The following SORCS2 variants were observed in gnomAD, a reference collection of about 807,000 sequenced individuals.
The protein encoded by SORCS2 is VPS10 domain-containing receptor SorCS2.
In SORCS2, 100 loss-of-function variants were observed where a neutral mutation model predicts 141.6. The observed-to-expected ratio is 0.71, with a 90% confidence interval of 0.60 to 0.83. The LOEUF is 0.83. Among genes scored for constraint, SORCS2 ranks in the 40% least tolerant of loss-of-function variants. The pLI is 0.00. For missense variants in SORCS2, 1,646 were observed against 1,560.2 expected (o/e 1.05, Z -0.93); for synonymous variants, 789 against 676.9 (o/e 1.17, Z -2.57).
rs1473830035 is a variant in SORCS2, at chr4:7,689,562, C to G, written c.1565C>G (p.Thr522Ser). The G allele has an allele frequency of 1.2e-6, 2 of 1,602,172 alleles. No homozygotes were observed. The highest frequency in any genetic ancestry group is 1.7e-6 in the Non-Finnish European group (2 of 1,174,976). ...TCAGGCACCGTGCACACCAAGGACA[C>G]CGCCCCAGGCCTCATCATGGGTGCA... ...YVSGTVHTKD[T>S]APGLIMGAGN... The change falls in exon 11 of 27, where the codon ACC (threonine) becomes AGC (serine). Residue 522 changes from threonine (T) to serine (S), a missense_variant. Physicochemically the swap from Thr to Ser is moderately conservative, Grantham distance 58. Transcript: ENST00000507866.
intron 5 of SORCS2, among the ~76,000 whole-genome samples, chr4:7,656,127 C>G (rs191481964): frequency 2.0e-4 from 31 of 152,332 alleles, no homozygotes; most frequent in Non-Finnish European, 3.7e-4. Context: ...GCTCTTTGTC[C>G]TTGAACTGAC....
chr4:7,728,240 A>C, intron 21 of SORCS2, 110 bp from the exon 22 acceptor site: 1 of 678,402 alleles, frequency 1.5e-6, no homozygotes, highest in South Asian at 1.9e-5. Flanking sequence ...TCTGAATCAA[A>C]GGCCTCCCGG....
rs1383881075 is a variant in SORCS2, at chr4:7,429,964, G to A, written c.548+33609G>A. ...CAGCTCCTGGAGCCATGCCCGGCAGGCTGGCAACCCCCGTCCGGTGCACAG... is the reference window on the plus strand; with the variant it reads ...CAGCTCCTGGAGCCATGCCCGGCAGACTGGCAACCCCCGTCCGGTGCACAG... On this transcript the variant is annotated intron_variant, in intron 2 of 26. Transcript: ENST00000507866. Among the ~76,000 whole-genome samples the A allele has an allele frequency of 2.0e-5, 3 of 152,212 alleles. No individual in the cohort carries two copies. The East Asian group carries it at 5.8e-4, about 29-fold the overall frequency.
intron 1 of SORCS2, among the ~76,000 whole-genome samples, chr4:7,229,375 C>G (rs140812595): frequency 6.6e-6 from 1 of 151,760 alleles, no homozygotes; most frequent in African/African-American, 2.4e-5. Context: ...TCTTAGCACC[C>G]GGGACTGAGA....
At chr4:7,276,893 C>G (rs1338887303) in intron 1 of SORCS2, among the ~76,000 whole-genome samples, 2 of 152,180 alleles carry the variant, frequency 1.3e-5, no homozygotes, top group African/African-American at 4.8e-5. Flanking sequence ...AACTGAGGCA[C>G]AGAGCTCCGC....
At chr4:7,572,671 G>T (rs888407953) in intron 3 of SORCS2, among the ~76,000 whole-genome samples, 1 of 152,158 alleles carries the variant, frequency 6.6e-6, no homozygotes, top group Admixed American at 6.5e-5. Context: ...TAAATCATCA[G>T]CATCATTTTT....
intron 3 of SORCS2, among the ~76,000 whole-genome samples, chr4:7,621,082 C>T (rs548603933): frequency 6.6e-6 from 1 of 152,160 alleles, no homozygotes; most frequent in Non-Finnish European, 1.5e-5. Context: ...AAGGAGGGGG[C>T]TCCCAGGGCC....
intron 8 of SORCS2, among the ~76,000 whole-genome samples, chr4:7,671,018 G>A (rs1444353041): frequency 6.6e-6 from 1 of 152,104 alleles, no homozygotes; most frequent in African/African-American, 2.4e-5. Context: ...TTCCCTTTTG[G>A]GAGCCAGACA....
intron 1 of SORCS2, among the ~76,000 whole-genome samples, chr4:7,231,033 T>C (rs563527966): frequency 6.6e-6 from 1 of 152,386 alleles, no homozygotes; most frequent in East Asian, 1.9e-4. Flanking sequence ...CATATCTGTA[T>C]CTGTCTATAT....
intron 3 of SORCS2, among the ~76,000 whole-genome samples, chr4:7,628,575 C>A (rs1323454191): frequency 1.3e-5 from 2 of 151,606 alleles, no homozygotes; most frequent in Admixed American, 1.3e-4. Flanking sequence ...GCATGTTCAG[C>A]AGCACTGAGC....
intron 2 of SORCS2, among the ~76,000 whole-genome samples, chr4:7,471,790 G>T (rs1173728251): frequency 1.3e-5 from 2 of 152,372 alleles, no homozygotes; most frequent in East Asian, 3.9e-4. Flanking sequence ...TGCTTTGGAG[G>T]TGATGTCTGC....
intron 3 of SORCS2, among the ~76,000 whole-genome samples, chr4:7,619,402 C>G (rs28609407): frequency 0.15 from 23,045 of 152,080 alleles, 2,248 homozygotes; most frequent in African/African-American, 0.28. Context: ...AGTCTGGGAG[C>G]GTGGCTTCCC....
At chr4:7,456,482 G>C (rs200728581) in intron 2 of SORCS2, among the ~76,000 whole-genome samples, 12 of 152,104 alleles carry the variant, frequency 7.9e-5, no homozygotes, top group Non-Finnish European at 1.3e-4. Context: ...GGGTGAGAGG[G>C]GGGGGGCCTC....
chr4:7,308,590 T>G (rs111480663), intron 1 of SORCS2, among the ~76,000 whole-genome samples: 7 of 152,086 alleles, frequency 4.6e-5, no homozygotes, highest in African/African-American at 1.4e-4. Context: ...CCAGTTGGAG[T>G]TGATATTGCA....
At chr4:7,249,701 T>G (rs1002514943) in intron 1 of SORCS2, among the ~76,000 whole-genome samples, 4 of 152,210 alleles carry the variant, frequency 2.6e-5, no homozygotes, top group Admixed American at 2.6e-4. Flanking sequence ...GGGAAGTAAC[T>G]TGCTCAAGCC....
intron 2 of SORCS2, chr4:7,434,612 A>C: frequency 6.2e-7 from 1 of 1,613,416 alleles, no homozygotes; most frequent in Non-Finnish European, 8.5e-7. Context: ...TTCATCACCA[A>C]AGCCAGGATG....
In SORCS2 at chr4:7,675,931, G is replaced by C; in HGVS notation, c.1162-119G>C. 2 of 1,170,362 alleles carry C rather than the reference G, an allele frequency of 1.7e-6. 1 individual carries two copies. The highest frequency in any genetic ancestry group is 3.0e-5 in the South Asian group (2 of 66,500). The allele number at this position is 1,170,362 out of a possible 1,614,324, so 72.5% of individuals were successfully genotyped here. ...GAGCCAGGAGGCAAACCTAGGCCAG[G>C]CTGGCTCCAGGAGAGCCAGGGGTCT... is the stretch of plus-strand genomic sequence containing the variant. On this transcript the variant is annotated intron_variant, in intron 8 of 26. Transcript: ENST00000507866.
intron 1 of SORCS2, among the ~76,000 whole-genome samples, chr4:7,359,423 C>T (rs189787238): frequency 1.5e-4 from 23 of 152,354 alleles, no homozygotes; most frequent in African/African-American, 3.4e-4. Context: ...CATGAGCCAA[C>T]GTGCCTGGCC....
intron 1 of SORCS2, among the ~76,000 whole-genome samples, chr4:7,334,470 C>T (rs997153421): frequency 6.6e-6 from 1 of 152,116 alleles, no homozygotes; most frequent in Non-Finnish European, 1.5e-5. Context: ...CAACCCCAGA[C>T]AGTGAGCTCT....
Sources: gnomAD v4.1 joint callset for allele counts (sites outside exome capture counted in the v4.1 genomes callset) on GRCh38, gnomAD v4.1.1 for gene constraint, MANE v1.5 for transcripts, NCBI Gene and HGNC (gene_info 2026-07-23, HGNC 2026-07-21) for gene names.